The following ZNF536 variants were observed in gnomAD, a reference collection of about 807,000 sequenced individuals.
ZNF536 encodes the protein zinc finger protein 536.
ZNF536 carries 13 observed loss-of-function variants against 84.5 expected under a neutral mutation model. The ratio of observed to expected loss-of-function variants is 0.15; its 90% CI spans 0.10 to 0.24. The LOEUF is 0.24. Ranked by LOEUF, ZNF536 falls within the 10% of genes least tolerant of loss-of-function variation. ZNF536 has a pLI of 1.00. For synonymous variants in ZNF536, 811 were observed against 742.5 expected, an observed-to-expected ratio of 1.09 and a Z score of -1.50; for missense variants, 1,536 against 1,747.5, an observed-to-expected ratio of 0.88 and a Z score of 2.16.
In ZNF536 at chr19:30,411,620, G is replaced by A. The variant is rs142520997; in HGVS notation, c.-2-31941G>A. Among the ~76,000 whole-genome samples the A allele has an allele frequency of 9.9e-4, 150 of 152,100 alleles. No homozygotes were observed. In the Middle Eastern group the frequency reaches 0.017, roughly 17 times the overall value. On this transcript the variant is annotated intron_variant, in intron 1 of 4. Transcript: ENST00000355537. ...GAATCATCACCTTTATCAAAACCAC[G>A]TGTCACTTTCGGGCTTCTCTCTACC...
chr19:30,331,359 A>G (rs962298533), intron 2 of ZNF536, among the ~76,000 whole-genome samples: 1 of 148,012 alleles, frequency 6.8e-6, no homozygotes. Flanking sequence ...ACCATTTCTT[A>G]CTAGATAATT....
intron 2 of ZNF536, among the ~76,000 whole-genome samples, chr19:30,529,752 T>C (rs2044730901): frequency 6.6e-6 from 1 of 152,188 alleles, no homozygotes; most frequent in African/African-American, 2.4e-5. Flanking sequence ...TTTCAGCTTG[T>C]AGGCACGGGC....
At chr19:30,702,023 G>T (rs2052006008) in intron 1 of ZNF536, among the ~76,000 whole-genome samples, 1 of 152,188 alleles carries the variant, frequency 6.6e-6, no homozygotes, top group South Asian at 2.1e-4. Context: ...CACTTGAGGA[G>T]AAGCCATCAG....
rs548507111 is a variant in ZNF536 at position 30,483,621 on chromosome 19, A to T, written c.2170+37889A>T. On this transcript the variant is annotated intron_variant, in intron 2 of 4. Coordinates refer to ENST00000355537, the MANE Select transcript of ZNF536 (RefSeq NM_014717.3). ...GTCCCCTTGTCTGTCACAGATCTGA[A>T]TCTCCACATTTGAGGTCTTCATGGG... is the stretch of plus-strand genomic sequence containing the variant. Among the ~76,000 whole-genome samples, 13 of 152,148 alleles carry T rather than the reference A, an allele frequency of 8.5e-5. No individual in the cohort carries two copies. The East Asian group carries it at 2.5e-3, about 29-fold the overall frequency.
rs377743157 is a variant in ZNF536 at position 30,442,897 on chromosome 19, T to C, written c.-2-664T>C. ...TTTCTAAGCAGCATACTAATCAGCT[T>C]AATGAGATATTACTGCACTTTTTGT... On this transcript the variant is annotated intron_variant, in intron 1 of 4. Transcript: ENST00000355537. Among the ~76,000 whole-genome samples, 5 of 152,362 alleles carry C rather than the reference T, an allele frequency of 3.3e-5. No individual in the cohort carries two copies. The East Asian group carries it at 9.6e-4, about 29-fold the overall frequency.
At chr19:30,245,191 A>G (rs933096218) in intron 1 of ZNF536, among the ~76,000 whole-genome samples, 11 of 152,194 alleles carry the variant, frequency 7.2e-5, no homozygotes, top group Admixed American at 4.6e-4. Context: ...CTGCCCCAGC[A>G]CAATGCTCAG....
At chr19:30,367,604 T>C (rs2048478251), upstream of ZNF536, among the ~76,000 whole-genome samples, 1 of 152,170 alleles carries the variant, frequency 6.6e-6, no homozygotes, top group African/African-American at 2.4e-5. Flanking sequence ...GCTGGATAGA[T>C]CAGAGCCTTC....
At chr19:30,434,713 T>C (rs1001435809) in intron 1 of ZNF536, among the ~76,000 whole-genome samples, 1 of 152,158 alleles carries the variant, frequency 6.6e-6, no homozygotes, top group African/African-American at 2.4e-5. Flanking sequence ...TTAATGTACA[T>C]AGTGATGGTG....
chr19:30,321,515 G>T (rs895378289), intron 2 of ZNF536, among the ~76,000 whole-genome samples: 4 of 152,070 alleles, frequency 2.6e-5, no homozygotes, highest in Admixed American at 6.6e-5. Context: ...CCGAGACCAC[G>T]CCACTGCACG....
At position 30,233,337 on chromosome 19, in the gene ZNF536, AC is replaced by A. The variant is rs2144687926; in HGVS notation, c.-190+4666del. On this transcript the variant is annotated intron_variant, in intron 1 of 5. Transcript: ENST00000585628. ...GGCACTTTGCTGGCAGGATAATGAT[AC>A]CTTTTTTTTTTTTTTTAACTTTAAG... 2.1e-5 allele frequency among the ~76,000 whole-genome samples: 3 copies of A among 141,326 alleles called. No homozygotes were observed. The East Asian group carries it at 6.0e-4, about 28-fold the overall frequency. 92.7% of individuals were successfully genotyped at this position (141,326 alleles called of 152,430 possible). A position where few individuals can be genotyped will look rare whatever the true frequency, so the allele number is the denominator to read the frequency against.
intron 1 of ZNF536, among the ~76,000 whole-genome samples, chr19:30,261,034 C>T (rs1484578313): frequency 2.0e-5 from 3 of 152,172 alleles, no homozygotes; most frequent in Non-Finnish European, 2.9e-5. Context: ...CGCGGTGGCT[C>T]ACGCCTGTAA....
chr19:30,658,186 T>A, intron 1 of ZNF536, among the ~76,000 whole-genome samples: 1 of 152,270 alleles, frequency 6.6e-6, no homozygotes, highest in East Asian at 1.9e-4. Flanking sequence ...CATGCCTGGC[T>A]AATTTTTGTA....
At position 30,444,252 on chromosome 19, in the gene ZNF536, C is replaced by G. The variant is rs1166491706; in HGVS notation, c.690C>G (p.Ala230=). 33 of 1,549,370 alleles carry G rather than the reference C, an allele frequency of 2.1e-5. No individual in the cohort carries two copies. The highest frequency in any genetic ancestry group is 2.9e-5 in the Non-Finnish European group (33 of 1,154,256). The stretch of plus-strand genomic sequence containing the variant: ...CGGACCTGAAGCCCCCGCCGCACGC[C>G]CAGCAGGCCCCGCTGGCCGCCTGCA... ...PRPDLKPPPH[A]QQAPLAACTL... is the part of the protein sequence containing the mutation. Residue 230 remains alanine, a synonymous_variant, in exon 2 of 5, where the codon GCC becomes GCG. Transcript: ENST00000355537.
chr19:30,617,332 A>ATTTTT (rs1491527791), intron 1 of ZNF536, among the ~76,000 whole-genome samples: 1 of 18,294 alleles, frequency 5.5e-5, no homozygotes, highest in Non-Finnish European at 1.6e-4. Flanking sequence ...TGAATAGCTT[A>ATTTTT]CTTTTTTTTT....
intron 3 of ZNF536, among the ~76,000 whole-genome samples, chr19:30,362,406 G>A (rs41440947): frequency 0.037 from 5,579 of 152,320 alleles, 145 homozygotes; most frequent in Middle Eastern, 0.068. Context: ...TTTGCAGAAA[G>A]TACTAGGCCT....
chr19:30,663,575 A>G (rs2050200850), intron 1 of ZNF536, among the ~76,000 whole-genome samples: 1 of 152,212 alleles, frequency 6.6e-6, no homozygotes, highest in Non-Finnish European at 1.5e-5. Context: ...CACCATCTGT[A>G]AAGTTCTAGA....
chr19:30,496,494 A>G (rs938587290), intron 2 of ZNF536, among the ~76,000 whole-genome samples: 1 of 152,214 alleles, frequency 6.6e-6, no homozygotes, highest in Non-Finnish European at 1.5e-5. Flanking sequence ...ATGCCAGAGC[A>G]CTGAGCAGTG....
intron 1 of ZNF536, among the ~76,000 whole-genome samples, chr19:30,402,540 G>A (rs935991431): frequency 6.6e-6 from 1 of 151,770 alleles, no homozygotes; most frequent in African/African-American, 2.4e-5. Context: ...AAGTGCTGGA[G>A]ACTCTGATCA....
At chr19:30,383,835 T>TTTCC (rs200232895) in intron 1 of ZNF536, among the ~76,000 whole-genome samples, 1,314 of 95,480 alleles carry the variant, frequency 0.014, 25 homozygotes, top group East Asian at 0.025. Flanking sequence ...TTTCTCCTTC[T>TTTCC]TTCCTTCCTT....
Sources: allele counts gnomAD v4.1 joint callset (sites outside exome capture counted in the v4.1 genomes callset), GRCh38; gene constraint gnomAD v4.1.1; transcripts MANE v1.5; gene names NCBI Gene and HGNC (gene_info 2026-07-23, HGNC 2026-07-21).